Variants in RNF6 observed in about 807,000 individuals in gnomAD.
RNF6 encodes ring finger protein 6.
In RNF6, 21 loss-of-function variants were observed where a neutral mutation model predicts 50.1. The observed-to-expected ratio is 0.42, with a 90% CI of 0.30 to 0.60. The LOEUF is 0.60. Ranked by LOEUF, RNF6 falls within the 20% of genes least tolerant of loss-of-function variation. The probability of loss-of-function intolerance (pLI) is 0.20; values close to 1 mark genes in which losing one functional copy is unlikely to be tolerated. For missense variants in RNF6, 698 were observed against 838.2 expected (o/e 0.83, Z 2.07); for synonymous variants, 255 against 291.8 (o/e 0.87, Z 1.29).
In RNF6 at chr13:26,213,479, A is replaced by G. The variant is rs185318248; in HGVS notation, c.*345T>C. The G allele has an allele frequency of 3.0e-5, 5 of 167,190 alleles. No individual in the cohort carries two copies. In the East Asian group the frequency reaches 8.5e-4, roughly 28 times the overall value. The allele number at this position is 167,190 out of a possible 1,614,324, so 10.4% of individuals were successfully genotyped here. Reference sequence around the variant, plus strand: ...TACTAAGCCTATGAAACTTGAAGCTAAAGTCTGCTGTACTATTAAGAAAAA... The same window carrying G: ...TACTAAGCCTATGAAACTTGAAGCTGAAGTCTGCTGTACTATTAAGAAAAA... On this transcript the variant is annotated 3_prime_UTR_variant, in exon 5 of 5. Transcript: ENST00000381588.
intron 5 of RNF6, among the ~76,000 whole-genome samples, chr13:26,156,998 A>G (rs1871960533): frequency 6.6e-6 from 1 of 152,184 alleles, no homozygotes. Flanking sequence ...AGTTCCATCT[A>G]GAGGAAAGAT....
At chr13:26,154,195 C>A (rs1271065595) in intron 5 of RNF6, 1 of 152,188 alleles carries the variant, frequency 6.6e-6, no homozygotes, top group Non-Finnish European at 1.5e-5. Flanking sequence ...AAAAGAAGTA[C>A]AATTTTCCAT....
chr13:26,191,439 A>G (rs1046056284), intron 5 of RNF6, among the ~76,000 whole-genome samples: 2 of 152,126 alleles, frequency 1.3e-5, no homozygotes, highest in Non-Finnish European at 2.9e-5. Context: ...TTTATTTGAT[A>G]TGGTTTGGCT....
intron 5 of RNF6, among the ~76,000 whole-genome samples, chr13:26,158,959 AG>A (rs1872075009): frequency 6.6e-6 from 1 of 152,234 alleles, no homozygotes; most frequent in Non-Finnish European, 1.5e-5. Context: ...TAATATGAAC[AG>A]GGTTTGTTAT....
intron 5 of RNF6, among the ~76,000 whole-genome samples, chr13:26,161,230 C>G (rs1430389272): frequency 6.6e-6 from 1 of 152,172 alleles, no homozygotes; most frequent in African/African-American, 2.4e-5. Context: ...ATTGCTGCAA[C>G]TTTTTGATGT....
chr13:26,188,471 T>G (rs1873657926), intron 5 of RNF6, among the ~76,000 whole-genome samples: 1 of 152,154 alleles, frequency 6.6e-6, no homozygotes, highest in African/African-American at 2.4e-5. Flanking sequence ...ATTTACATTT[T>G]ACTTTCCAAA....
chr13:26,136,043 T>C (rs1260730581), intron 5 of RNF6, among the ~76,000 whole-genome samples: 1 of 152,192 alleles, frequency 6.6e-6, no homozygotes, highest in African/African-American at 2.4e-5. Flanking sequence ...CTTTTCTTTA[T>C]AAATTACCTA....
intron 5 of RNF6, among the ~76,000 whole-genome samples, chr13:26,133,881 C>G (rs1008033608): frequency 6.6e-6 from 1 of 152,050 alleles, no homozygotes; most frequent in African/African-American, 2.4e-5. Flanking sequence ...TAAGATCTTC[C>G]TGGTTTTTGA....
At chr13:26,140,722 A>C (rs1203091034) in intron 5 of RNF6, among the ~76,000 whole-genome samples, 1 of 152,202 alleles carries the variant, frequency 6.6e-6, no homozygotes, top group East Asian at 1.9e-4. Context: ...ATGATTCTAT[A>C]CCTAGAAAAC....
At chr13:26,217,087 A>G (rs1331066103) in intron 4 of RNF6, among the ~76,000 whole-genome samples, 1 of 152,242 alleles carries the variant, frequency 6.6e-6, no homozygotes. Flanking sequence ...GTTGATGCCA[A>G]TAAAATAAAC....
intron 5 of RNF6, among the ~76,000 whole-genome samples, chr13:26,143,985 A>T (rs898062755): frequency 7.2e-5 from 11 of 152,210 alleles, no homozygotes; most frequent in Non-Finnish European, 1.5e-4. Flanking sequence ...TGTCTATTCC[A>T]GTAAGAATAA....
intron 5 of RNF6, among the ~76,000 whole-genome samples, chr13:26,186,155 C>T (rs1374743637): frequency 1.3e-5 from 2 of 152,226 alleles, no homozygotes; most frequent in African/African-American, 4.8e-5. Context: ...CATCACCCGC[C>T]TCGCGGCCCT....
chr13:26,170,156 A>T (rs4770936), intron 5 of RNF6, among the ~76,000 whole-genome samples: 33 of 151,814 alleles, frequency 2.2e-4, no homozygotes, highest in Middle Eastern at 6.8e-3. Flanking sequence ...TTACTTAAAT[A>T]CAAAAATAAG....
chr13:26,197,317 A>C lies in RNF6; in HGVS notation n.768+18157T>G, dbSNP rs1259744115. Among the ~76,000 whole-genome samples the C allele has an allele frequency of 2.0e-5, 3 of 151,906 alleles. 1 individual carries two copies. Among genetic ancestry groups the C allele is most frequent in the African/African-American group, 7.3e-5 (3 of 41,192 alleles). ...TTACCTTAAAAAGCTTACAACTACA[A>C]ATCTTTTCTCTGCCCATTTGGGATA... On this transcript the variant is annotated intron_variant and non_coding_transcript_variant, in intron 5 of 5. Transcript: ENST00000468480.
At chr13:26,135,699 C>T (rs1241148019) in intron 5 of RNF6, 1 of 151,972 alleles carries the variant, frequency 6.6e-6, no homozygotes, top group Non-Finnish European at 1.5e-5. Context: ...ATGTTTTGTC[C>T]CCTCCAAATC....
At position 26,170,731 on chromosome 13, in the gene RNF6, T is replaced by A. The variant is rs910226858; in HGVS notation, n.769-38280A>T. Reference sequence around the variant, plus strand: ...CCCTAAACACTTCTTGGTAAAGTTATTAGATTTTTAAAATAATAAAAAATT... The same window carrying A: ...CCCTAAACACTTCTTGGTAAAGTTAATAGATTTTTAAAATAATAAAAAATT... On this transcript the variant is annotated intron_variant and non_coding_transcript_variant, in intron 5 of 5. Transcript: ENST00000468480. Among the ~76,000 whole-genome samples, 4 of 152,200 alleles carry A rather than the reference T, an allele frequency of 2.6e-5. No individual in the cohort carries two copies. In the South Asian group the frequency reaches 8.3e-4, roughly 31 times the overall value.
intron 5 of RNF6, among the ~76,000 whole-genome samples, chr13:26,167,839 T>C (rs1424223952): frequency 2.0e-5 from 3 of 152,164 alleles, no homozygotes; most frequent in Admixed American, 6.5e-5. Context: ...AAAATGTACA[T>C]ATACACCATG....
At chr13:26,184,439 A>T (rs978434601) in intron 5 of RNF6, among the ~76,000 whole-genome samples, 1 of 152,238 alleles carries the variant, frequency 6.6e-6, no homozygotes, top group Non-Finnish European at 1.5e-5. Flanking sequence ...GTTGTTGTAT[A>T]AAAATCTGTT....
intron 5 of RNF6, among the ~76,000 whole-genome samples, chr13:26,139,684 T>C (rs1369837): frequency 0.13 from 20,210 of 152,228 alleles, 1,706 homozygotes; most frequent in Admixed American, 0.2. Context: ...AAGAAAATGG[T>C]ATATTTCTGC....
Sources: allele counts gnomAD v4.1 joint callset (sites outside exome capture counted in the v4.1 genomes callset), GRCh38; gene constraint gnomAD v4.1.1; transcripts MANE v1.5; gene names NCBI Gene and HGNC (gene_info 2026-07-23, HGNC 2026-07-21).